Variants in SNAP91 observed in about 807,000 individuals in gnomAD.
SNAP91 encodes clathrin coat assembly protein AP180.
Under a neutral mutation model 100.3 loss-of-function variants are expected in SNAP91, and 27 were observed. The ratio of observed to expected loss-of-function variants is 0.27; its 90% CI spans 0.20 to 0.37. SNAP91 has a LOEUF of 0.37. SNAP91 is among the 10% of genes least tolerant of loss of function. The probability of loss-of-function intolerance (pLI) is 1.00; values close to 1 mark genes in which losing one functional copy is unlikely to be tolerated. For synonymous variants in SNAP91, 404 were observed against 398.6 expected (o/e 1.01, Z -0.16); for missense variants, 986 against 1,123.7 (o/e 0.88, Z 1.75).
chr6:83,670,741 C>T (rs549908441), intron 2 of SNAP91, among the ~76,000 whole-genome samples: 1 of 151,830 alleles, frequency 6.6e-6, no homozygotes, highest in East Asian at 1.9e-4. Context: ...TTTTCCAATG[C>T]CATTTGCTGA....
chr6:83,581,941 G>A (rs1463488254), intron 23 of SNAP91, among the ~76,000 whole-genome samples: 1 of 152,162 alleles, frequency 6.6e-6, no homozygotes. Flanking sequence ...TAAACCATGT[G>A]CATGTAAGCT....
chr6:83,595,990 T>C (rs1203782324), intron 16 of SNAP91, among the ~76,000 whole-genome samples: 1 of 152,242 alleles, frequency 6.6e-6, no homozygotes, highest in East Asian at 1.9e-4. Context: ...GGACATCAGT[T>C]ATTCATATCT....
intron 26 of SNAP91, among the ~76,000 whole-genome samples, chr6:83,572,302 A>T (rs1236725124): frequency 6.6e-6 from 1 of 152,086 alleles, no homozygotes; most frequent in Non-Finnish European, 1.5e-5. Flanking sequence ...GCTGGAGTGT[A>T]GTAGCACAAT....
intron 22 of SNAP91, among the ~76,000 whole-genome samples, chr6:83,587,800 C>A (rs2092997092): frequency 6.6e-6 from 1 of 151,844 alleles, no homozygotes; most frequent in African/African-American, 2.4e-5. Context: ...GAAAGTTGCT[C>A]CTAGTTCACA....
chr6:83,678,889 C>A, intron 2 of SNAP91: 1 of 1,149,676 alleles, frequency 8.7e-7, no homozygotes, highest in Non-Finnish European at 1.1e-6. Context: ...GTTCTCAGTA[C>A]ATCATTTTAC....
chr6:83,560,122 G>A lies in SNAP91; in HGVS notation c.2613C>T (p.Ala871=), dbSNP rs760463323. The change falls in exon 28 of 30, where the codon GCC becomes GCT. Residue 871 remains alanine (A), a synonymous_variant. Coordinates refer to ENST00000369694, the MANE Select transcript of SNAP91 (RefSeq NM_001242792.2). ...AACTGACCTGCGTGCCAGGTACAGC[G>A]GCAGCTCCAAAGGGGGGCCTCATCA... ...QPMMRPPFGA[A]AVPGTQLSPS... The A allele has an allele frequency of 6.8e-6, 11 of 1,613,804 alleles. No individual in the cohort carries two copies. Among genetic ancestry groups the A allele is most frequent in the East Asian group, 4.5e-5 (2 of 44,878 alleles).
chr6:83,554,768 G>A (rs975404475), intron 29 of SNAP91, among the ~76,000 whole-genome samples: 2 of 152,132 alleles, frequency 1.3e-5, no homozygotes, highest in African/African-American at 2.4e-5. Context: ...CTGGCGACCC[G>A]ATGCCTTTCC....
At chr6:83,624,989 C>T (rs1293809885) in intron 8 of SNAP91, among the ~76,000 whole-genome samples, 1 of 151,970 alleles carries the variant, frequency 6.6e-6, no homozygotes, top group Non-Finnish European at 1.5e-5. Flanking sequence ...AATGCTGTTA[C>T]CCAGATAGTG....
At chr6:83,573,879 G>T (rs1211582419) in intron 26 of SNAP91, among the ~76,000 whole-genome samples, 1 of 152,132 alleles carries the variant, frequency 6.6e-6, no homozygotes, top group Non-Finnish European at 1.5e-5. Context: ...TACCATTCAG[G>T]ACATAGGCAT....
intron 2 of SNAP91, among the ~76,000 whole-genome samples, chr6:83,707,536 C>CATGTGTGT (rs201707228): frequency 5.4e-5 from 8 of 148,958 alleles, no homozygotes; most frequent in African/African-American, 1.5e-4. Context: ...TATACATATG[C>CATGTGTGT]GTGTGTGTGT....
intron 2 of SNAP91, among the ~76,000 whole-genome samples, chr6:83,694,929 T>C (rs2099177408): frequency 1.3e-5 from 2 of 152,038 alleles, no homozygotes; most frequent in Non-Finnish European, 2.9e-5. Flanking sequence ...AGACAATATT[T>C]TGACATATAT....
chr6:83,634,486 T>C (rs1257237085), intron 8 of SNAP91, among the ~76,000 whole-genome samples: 4 of 152,142 alleles, frequency 2.6e-5, no homozygotes, highest in African/African-American at 9.7e-5. Flanking sequence ...AGGGAGTCTG[T>C]GGGTCATCTC....
chr6:83,568,488 A>C (rs1365728792), intron 26 of SNAP91, among the ~76,000 whole-genome samples: 1 of 144,380 alleles, frequency 6.9e-6, no homozygotes, highest in African/African-American at 2.9e-5. Context: ...TAATAATAAT[A>C]ATAATAATAA....
At chr6:83,635,651 A>G (rs2097408748) in intron 8 of SNAP91, among the ~76,000 whole-genome samples, 1 of 116,154 alleles carries the variant, frequency 8.6e-6, no homozygotes, top group Admixed American at 9.1e-5. Context: ...GTGTCTTTTC[A>G]GTCAGGTGTT....
intron 5 of SNAP91, 21 bp from the exon 6 acceptor site, chr6:83,659,113 AAG>A: frequency 6.8e-7 from 1 of 1,476,334 alleles, no homozygotes; most frequent in South Asian, 1.2e-5. Context: ...AAAAAAAAAA[AAG>A]GTACAATTTC....
At chr6:83,611,828 C>T (rs185690207) in intron 11 of SNAP91, among the ~76,000 whole-genome samples, 4,673 of 148,090 alleles carry the variant, frequency 0.032, 95 homozygotes, top group Non-Finnish European at 0.046. Flanking sequence ...TCCCAAGTAG[C>T]TGGGACTACA....
Position 83,601,255 on chromosome 6 carries a change from A to G in SNAP91, c.1324+16T>C, listed in dbSNP as rs1200567960. The G allele has an allele frequency of 1.2e-6, 2 of 1,612,202 alleles. No homozygotes were observed. On this transcript the variant is annotated intron_variant, in intron 16 of 29. Coordinates refer to ENST00000369694, the MANE Select transcript of SNAP91 (RefSeq NM_001242792.2). ...GCAATCCTGAAAAAATGAAAGTAGCAGCGAGACTAACTAACCTCCAAAGAG... is the reference window on the plus strand; with the variant it reads ...GCAATCCTGAAAAAATGAAAGTAGCGGCGAGACTAACTAACCTCCAAAGAG...
intron 9 of SNAP91, among the ~76,000 whole-genome samples, chr6:83,618,860 G>A (rs1049188622): frequency 1.3e-5 from 2 of 151,730 alleles, no homozygotes; most frequent in Non-Finnish European, 2.9e-5. Context: ...GTAAAGAAAG[G>A]GTGATTTTTT....
At chr6:83,578,962 T>C (rs1823968487) in intron 24 of SNAP91, among the ~76,000 whole-genome samples, 1 of 152,220 alleles carries the variant, frequency 6.6e-6, no homozygotes, top group Admixed American at 6.5e-5. Context: ...TTATTTAGTC[T>C]TTCCCCAATT....
Sources: allele counts gnomAD v4.1 joint callset (sites outside exome capture counted in the v4.1 genomes callset), GRCh38; gene constraint gnomAD v4.1.1; transcripts MANE v1.5; gene names NCBI Gene and HGNC (gene_info 2026-07-23, HGNC 2026-07-21).